The following ANKRD30A variants were observed in gnomAD, a reference collection of about 807,000 sequenced individuals.
ANKRD30A encodes ankyrin repeat domain 30A.
In ANKRD30A, 170 loss-of-function variants were observed where a neutral mutation model predicts 166.3. That is an observed-to-expected ratio of 1.02 (90% CI 0.90 to 1.16). The LOEUF (loss-of-function observed/expected upper bound fraction) is 1.16. ANKRD30A is among the 50% of genes most tolerant of loss of function. ANKRD30A has a pLI of 0.00. For synonymous variants in ANKRD30A, 564 were observed against 508.9 expected (o/e 1.11, Z -1.46); for missense variants, 1,630 against 1,518.0 (o/e 1.07, Z -1.23).
At chr10:37,234,938 G>T (rs1843609155), downstream of ANKRD30A, among the ~76,000 whole-genome samples, 1 of 152,084 alleles carries the variant, frequency 6.6e-6, no homozygotes, top group Non-Finnish European at 1.5e-5. Flanking sequence ...TCAGAATGTT[G>T]AACTGCGCTT....
At chr10:37,196,986 C>A (rs531310164) in intron 27 of ANKRD30A, among the ~76,000 whole-genome samples, 1 of 152,266 alleles carries the variant, frequency 6.6e-6, no homozygotes, top group African/African-American at 2.4e-5. Flanking sequence ...CGTGGCGTAG[C>A]ATTCCATGTT....
chr10:37,256,810 G>A, the ANKRD30A span, among the ~76,000 whole-genome samples: 4 of 152,126 alleles, frequency 2.6e-5, no homozygotes, highest in Non-Finnish European at 4.4e-5. Context: ...CTTTTATTGA[G>A]GGTTTTCACA....
the ANKRD30A span, among the ~76,000 whole-genome samples, chr10:37,257,539 G>A: frequency 6.6e-6 from 1 of 152,148 alleles, no homozygotes. Flanking sequence ...GGAATTGAGT[G>A]CTGTAAGTTT....
intron 17 of ANKRD30A, 60 bp downstream of exon 17, chr10:37,162,908 T>A: frequency 6.3e-7 from 1 of 1,577,044 alleles, no homozygotes. Context: ...ATTTTGATGG[T>A]CTTTCTGTAC....
At chr10:37,127,948 T>C (rs1425905617) in intron 1 of ANKRD30A, among the ~76,000 whole-genome samples, 3 of 152,162 alleles carry the variant, frequency 2.0e-5, no homozygotes, top group Non-Finnish European at 4.4e-5. Flanking sequence ...GCAATTTCTT[T>C]TCTGAGCACT....
chr10:37,192,032 C>G (rs1298702066), intron 25 of ANKRD30A, among the ~76,000 whole-genome samples: 1 of 151,886 alleles, frequency 6.6e-6, no homozygotes, highest in Non-Finnish European at 1.5e-5. Flanking sequence ...GATACTTTCA[C>G]ATTACATGTT....
At chr10:37,134,140 A>C in intron 5 of ANKRD30A, 87 bp downstream of exon 5, 1 of 1,490,866 alleles carries the variant, frequency 6.7e-7, no homozygotes, top group African/African-American at 1.4e-5. Flanking sequence ...TTCATCAGCC[A>C]GAAACTAGGC....
At position 37,165,127 on chromosome 10, in the gene ANKRD30A, A is replaced by G. The variant is rs202200263; in HGVS notation, c.2036A>G (p.Asp679Gly). Residue 679 changes from aspartate to glycine, a missense_variant, in exon 18 of 36, where the codon GAC becomes GGC. Coordinates refer to ENST00000361713, the MANE Select transcript of ANKRD30A (RefSeq NM_052997.3). ...EILPSESKQKDYEENSWDTES... is the reference protein window; with the variant it reads ...EILPSESKQKGYEENSWDTES... ...CTCCCATCAGAATCCAAACAAAAGG[A>G]CTATGAAGAAAATTCTTGGGATACT... is the stretch of plus-strand genomic sequence containing the variant. 1,423 of 1,609,220 alleles carry G rather than the reference A, an allele frequency of 8.8e-4. 4 individuals carry two copies. Among genetic ancestry groups the G allele is most frequent in the Non-Finnish European group, 1.1e-3 (1,289 of 1,176,012 alleles).
At chr10:37,133,037 G>T (rs1227937645) in intron 4 of ANKRD30A, among the ~76,000 whole-genome samples, 2 of 151,948 alleles carry the variant, frequency 1.3e-5, no homozygotes, top group East Asian at 3.9e-4. Context: ...AGAAATAGGA[G>T]TTTAAAATCA....
rs775635424 is a variant in ANKRD30A at position 37,219,205 on chromosome 10, A to G, written c.3493A>G (p.Ser1165Gly). ...ATTAACTAAAAGGGCATCTCAATAT[A>G]GTGGGCAGCTTAAAGTTCTGATAGC... is the stretch of plus-strand genomic sequence containing the variant. ...ESLTKRASQY[S>G]GQLKVLIAEN... Residue 1165 changes from serine to glycine, a missense_variant, in exon 34 of 36, where the codon AGT (serine) becomes GGT (glycine). Physicochemically the swap from Ser to Gly is moderately conservative, Grantham distance 56 (BLOSUM62 0). Transcript: ENST00000361713. 47 of 1,610,694 alleles carry G rather than the reference A, an allele frequency of 2.9e-5. No homozygotes were observed. Among genetic ancestry groups the G allele is most frequent in the Non-Finnish European group, 3.7e-5 (43 of 1,177,728 alleles).
At chr10:37,221,044 A>T (rs76117557) in intron 34 of ANKRD30A, among the ~76,000 whole-genome samples, 69 of 131,000 alleles carry the variant, frequency 5.3e-4, no homozygotes, top group Middle Eastern at 4.0e-3. Context: ...TCCTTCCCAC[A>T]TTTTTTTTTT....
intron 31 of ANKRD30A, among the ~76,000 whole-genome samples, chr10:37,211,652 A>C (rs1036093346): frequency 2.0e-5 from 3 of 152,122 alleles, no homozygotes; most frequent in African/African-American, 7.2e-5. Context: ...TATAACCAGT[A>C]ATGGGATGGC....
intron 34 of ANKRD30A, among the ~76,000 whole-genome samples, chr10:37,227,032 T>C (rs747096464): frequency 9.2e-5 from 14 of 151,962 alleles, no homozygotes; most frequent in Admixed American, 2.0e-4. Context: ...TCTTTCTGAA[T>C]GGTAAGTGTT....
In ANKRD30A at chr10:37,217,786, C is replaced by G; in HGVS notation, c.3175C>G (p.His1059Asp). ...REELGRIEEQ[H>D]RKELEVKQQL... The stretch of plus-strand genomic sequence containing the variant: ...AGAATTAGGAAGAATCGAAGAGCAG[C>G]ATAGGAAAGAGTTAGAAGTGAAACA... The change falls in exon 33 of 36, where the codon CAT (histidine) becomes GAT (aspartate). Residue 1059 changes from histidine to aspartate, a missense_variant. Transcript: ENST00000361713. 6.3e-7 allele frequency: 1 copy of G among 1,598,682 alleles called. No homozygotes were observed. Among genetic ancestry groups the G allele is most frequent in the South Asian group, 1.1e-5 (1 of 89,380 alleles).
At chr10:37,144,815 T>G (rs1837385190) in intron 7 of ANKRD30A, among the ~76,000 whole-genome samples, 180 bp from the exon 8 acceptor site, 1 of 152,210 alleles carries the variant, frequency 6.6e-6, no homozygotes. Context: ...AATTTTTACA[T>G]TTTTAAGATT....
chr10:37,263,781 C>T, the ANKRD30A span, among the ~76,000 whole-genome samples: 1 of 152,096 alleles, frequency 6.6e-6, no homozygotes, highest in Non-Finnish European at 1.5e-5. Flanking sequence ...CAGTCCATGG[C>T]CTGTGTCGTG....
At position 37,219,068 on chromosome 10, in the gene ANKRD30A, C is replaced by G. The variant is rs373946645; in HGVS notation, c.3356C>G (p.Ala1119Gly). The G allele has an allele frequency of 1.7e-5, 27 of 1,607,550 alleles. No individual in the cohort carries two copies. The African/African-American group carries it at 3.4e-4, about 20-fold the overall frequency. Residue 1119 changes from alanine (A) to glycine (G), a missense_variant, in exon 34 of 36, where the codon GCC becomes GGC. Coordinates refer to ENST00000361713, the MANE Select transcript of ANKRD30A (RefSeq NM_052997.3). The part of the protein sequence containing the change: ...KEIAMLKLEI[A>G]TLKHQYQEKE... The stretch of plus-strand genomic sequence containing the variant: ...ATTGCCATGCTAAAACTGGAAATAG[C>G]CACACTGAAACACCAATACCAGGAA...
intron 31 of ANKRD30A, among the ~76,000 whole-genome samples, chr10:37,204,931 T>C (rs1258745552): frequency 6.6e-6 from 1 of 152,080 alleles, no homozygotes; most frequent in Non-Finnish European, 1.5e-5. Context: ...ATGGCGATCA[T>C]TAAAAAGTCA....
At chr10:37,227,060 A>T (rs1843192018) in intron 34 of ANKRD30A, among the ~76,000 whole-genome samples, 1 of 151,920 alleles carries the variant, frequency 6.6e-6, no homozygotes, top group Non-Finnish European at 1.5e-5. Context: ...TATCCTAAAT[A>T]TAAATTTTCT....
Sources: gnomAD v4.1 joint callset for allele counts (sites outside exome capture counted in the v4.1 genomes callset) on GRCh38, gnomAD v4.1.1 for gene constraint, MANE v1.5 for transcripts, NCBI Gene and HGNC (gene_info 2026-07-23, HGNC 2026-07-21) for gene names.